PCDHA8: variants seen among roughly 807,000 people sequenced by gnomAD.
PCDHA8 encodes protocadherin alpha 8.
PCDHA8 carries 53 observed loss-of-function variants against 61.8 expected under a neutral mutation model. The observed-to-expected ratio is 0.86, with a 90% CI of 0.69 to 1.08. PCDHA8 has a LOEUF of 1.08. PCDHA8 is among the 50% of genes least tolerant of loss of function. The pLI is 0.00. For synonymous variants in PCDHA8, 618 were observed against 556.6 expected, an observed-to-expected ratio of 1.11 and a Z score of -1.55; for missense variants, 1,293 against 1,245.0, an observed-to-expected ratio of 1.04 and a Z score of -0.58.
At chr5:140,875,790 G>A (rs376091049) in intron 1 of PCDHA8, 1 of 1,614,214 alleles carries the variant, frequency 6.2e-7, no homozygotes, top group Non-Finnish European at 8.5e-7. Flanking sequence ...GTATCCACCT[G>A]GAGGTGATCG....
rs1478776734 is a variant in PCDHA8 at position 141,010,917 on chromosome 5, A to G, written c.*980A>G. ...TACAATTCCCCTAAACTCTCCTCAA[A>G]AGAGAATTCAGTCTACAGCCATTTA... On this transcript the variant is annotated 3_prime_UTR_variant, in exon 4 of 4. Coordinates refer to ENST00000531613, the MANE Select transcript of PCDHA8 (RefSeq NM_018911.3). The G allele has an allele frequency of 6.5e-6, 1 of 153,776 alleles. No homozygotes were observed. The highest frequency in any genetic ancestry group is 1.5e-5 in the Non-Finnish European group (1 of 68,048). The allele number at this position is 153,776 out of a possible 1,614,324, so 9.5% of individuals were successfully genotyped here.
intron 1 of PCDHA8, chr5:140,876,169 C>T (rs782706242): frequency 3.1e-6 from 5 of 1,613,798 alleles, no homozygotes; most frequent in Non-Finnish European, 4.2e-6. Context: ...AATAACCGTC[C>T]TGGATGTGAA....
chr5:140,994,429 G>A (rs1474074265), intron 3 of PCDHA8, among the ~76,000 whole-genome samples: 1 of 152,110 alleles, frequency 6.6e-6, no homozygotes, highest in Non-Finnish European at 1.5e-5. Flanking sequence ...GAGGCCGGGC[G>A]CAGTGGCTCA....
At chr5:140,928,874 C>T (rs782794510) in intron 1 of PCDHA8, 1 of 1,614,194 alleles carries the variant, frequency 6.2e-7, no homozygotes, top group Admixed American at 1.7e-5. Context: ...AACTCTGTCC[C>T]TCAGTTACTT....
rs2150395241 is a variant in PCDHA8, at chr5:140,846,875, G to A, written c.2394+3160G>A. Among the ~76,000 whole-genome samples the A allele has an allele frequency of 4.0e-5, 6 of 149,568 alleles. 1 individual carries two copies. Among genetic ancestry groups the A allele is most frequent in the Non-Finnish European group, 7.5e-5 (5 of 66,912 alleles). On this transcript the variant is annotated intron_variant, in intron 1 of 3. Transcript: ENST00000531613. ...CAAGATAATGTAACAGGTACAAGAG[G>A]TAAATCAGAATGACGTTGAAGTTGA... is the stretch of plus-strand genomic sequence containing the variant.
chr5:140,995,930 A>G (rs186484511), intron 3 of PCDHA8, among the ~76,000 whole-genome samples: 1 of 152,342 alleles, frequency 6.6e-6, no homozygotes, highest in Admixed American at 6.5e-5. Context: ...TGTTGTAAGT[A>G]TTAAATGACA....
chr5:140,848,221 A>T, intron 1 of PCDHA8: 1 of 378,712 alleles, frequency 2.6e-6, no homozygotes, highest in Non-Finnish European at 4.7e-6. Context: ...AGAAAAAATT[A>T]AGAAAATGAA....
intron 1 of PCDHA8, among the ~76,000 whole-genome samples, chr5:140,898,600 G>A (rs2066865388): frequency 6.6e-6 from 1 of 152,184 alleles, no homozygotes; most frequent in Non-Finnish European, 1.5e-5. Context: ...TAGCCTTGTA[G>A]TATAGTTTGA....
chr5:140,882,070 CA>C, intron 1 of PCDHA8: 1 of 854,288 alleles, frequency 1.2e-6, no homozygotes, highest in Non-Finnish European at 1.8e-6. Flanking sequence ...CGTTCATGCG[CA>C]TGGTGTCGCT....
At chr5:140,892,136 G>T (rs1441807118) in intron 1 of PCDHA8, among the ~76,000 whole-genome samples, 1 of 152,254 alleles carries the variant, frequency 6.6e-6, no homozygotes, top group East Asian at 1.9e-4. Flanking sequence ...TAAGCTCATG[G>T]TTTTAGCGTC....
intron 1 of PCDHA8, chr5:140,850,085 G>A: frequency 1.3e-6 from 2 of 1,596,624 alleles, no homozygotes; most frequent in Non-Finnish European, 1.7e-6. Flanking sequence ...AGCTGGAGCT[G>A]CTACAGTTCC....
At chr5:140,936,863 A>G (rs1177234152) in intron 1 of PCDHA8, among the ~76,000 whole-genome samples, 1 of 152,120 alleles carries the variant, frequency 6.6e-6, no homozygotes, top group East Asian at 1.9e-4. Context: ...CTCAGTTTCT[A>G]TTTTAAAAAA....
At chr5:140,967,373 A>C in intron 1 of PCDHA8, 1 of 1,607,416 alleles carries the variant, frequency 6.2e-7, no homozygotes, top group Non-Finnish European at 8.5e-7. Flanking sequence ...CCTGCAGGAG[A>C]ACAGTAAAGT....
At chr5:140,914,761 G>A (rs2076826214) in intron 1 of PCDHA8, among the ~76,000 whole-genome samples, 1 of 151,734 alleles carries the variant, frequency 6.6e-6, no homozygotes, top group Non-Finnish European at 1.5e-5. Context: ...GAGGTTACAT[G>A]AGGTTTATGA....
chr5:140,889,265 A>G (rs900785254), intron 1 of PCDHA8, among the ~76,000 whole-genome samples: 7 of 151,968 alleles, frequency 4.6e-5, no homozygotes, highest in African/African-American at 2.4e-5. Context: ...AAAAGTTTGT[A>G]TAATCTTTGA....
At chr5:140,922,255 A>C (rs1415394722) in intron 1 of PCDHA8, among the ~76,000 whole-genome samples, 2 of 152,256 alleles carry the variant, frequency 1.3e-5, no homozygotes, top group Non-Finnish European at 2.9e-5. Flanking sequence ...ATAAGTTACT[A>C]AGTGCCATGA....
At chr5:140,905,635 A>ACTGTTGCCTCAGGCAGTGCAGG (rs2071993181) in intron 1 of PCDHA8, among the ~76,000 whole-genome samples, 1 of 152,206 alleles carries the variant, frequency 6.6e-6, no homozygotes, top group South Asian at 2.1e-4. Flanking sequence ...CAGTATGGTC[A>ACTGTTGCCTCAGGCAGTGCAGG]GTTTCACAGT....
chr5:140,856,427 G>A lies in PCDHA8; in HGVS notation c.2394+12712G>A, dbSNP rs782109045. ...GGACGTGGAAGTGAAGGACATTAAC[G>A]ACAACCCGCCCAGGTTCTCCGTAAC... On this transcript the variant is annotated intron_variant, in intron 1 of 3. Coordinates refer to ENST00000531613, the MANE Select transcript of PCDHA8 (RefSeq NM_018911.3). The A allele has an allele frequency of 9.4e-6, 15 of 1,598,250 alleles. 1 individual carries two copies. Among genetic ancestry groups the A allele is most frequent in the Non-Finnish European group, 1.3e-5 (15 of 1,167,914 alleles).
chr5:140,871,519 A>G, intron 1 of PCDHA8: 1 of 1,554,010 alleles, frequency 6.4e-7, no homozygotes, highest in East Asian at 2.3e-5. Flanking sequence ...GATTCCACCT[A>G]TCAGGAAGTG....
Sources: allele counts gnomAD v4.1 joint callset (sites outside exome capture counted in the v4.1 genomes callset), GRCh38; gene constraint gnomAD v4.1.1; transcripts MANE v1.5; gene names NCBI Gene and HGNC (gene_info 2026-07-23, HGNC 2026-07-21).